CCSER1: variants seen among roughly 807,000 people sequenced by gnomAD.
CCSER1 encodes serine-rich coiled-coil domain-containing protein 1.
In CCSER1, 41 loss-of-function variants were observed where a neutral mutation model predicts 82.0. The ratio of observed to expected loss-of-function variants is 0.50; its 90% CI spans 0.39 to 0.65. The LOEUF (loss-of-function observed/expected upper bound fraction) is 0.65, where lower values mean the gene tolerates loss of function less well. CCSER1 is among the 30% of genes least tolerant of loss of function. The pLI is 0.00. For synonymous variants in CCSER1, 414 were observed against 383.9 expected (o/e 1.08, Z -0.92); for missense variants, 1,119 against 1,064.2 (o/e 1.05, Z -0.72).
chr4:90,283,328 TA>T (rs1281014831), intron 1 of CCSER1, among the ~76,000 whole-genome samples: 4 of 151,972 alleles, frequency 2.6e-5, no homozygotes, highest in Non-Finnish European at 2.9e-5. Flanking sequence ...TTTTATTTTT[TA>T]TTTGTATTTT....
chr4:90,916,483 C>A (rs1482131348), intron 8 of CCSER1, among the ~76,000 whole-genome samples: 2 of 152,006 alleles, frequency 1.3e-5, no homozygotes, highest in Admixed American at 6.6e-5. Flanking sequence ...GAAACTGGAT[C>A]CCTTCCTTAC....
chr4:90,354,663 A>C (rs1165791601), intron 3 of CCSER1, among the ~76,000 whole-genome samples: 2 of 152,168 alleles, frequency 1.3e-5, no homozygotes, highest in African/African-American at 2.4e-5. Flanking sequence ...AAATAACTAA[A>C]TAAAGGTATT....
chr4:90,548,626 G>A (rs1384005533), intron 5 of CCSER1, among the ~76,000 whole-genome samples: 1 of 151,752 alleles, frequency 6.6e-6, no homozygotes, highest in African/African-American at 2.4e-5. Flanking sequence ...GTGAGTGGTA[G>A]GACCTGGGAA....
chr4:90,911,765 C>T (rs111424114), intron 8 of CCSER1, among the ~76,000 whole-genome samples: 142 of 152,262 alleles, frequency 9.3e-4, no homozygotes, highest in Non-Finnish European at 1.4e-3. Flanking sequence ...CCTGGAAAAT[C>T]GGGTCACTCC....
intron 10 of CCSER1, among the ~76,000 whole-genome samples, chr4:91,534,845 TATGA>T (rs1301219197): frequency 6.6e-6 from 1 of 151,852 alleles, no homozygotes. Flanking sequence ...TAAGTGAAAT[TATGA>T]ATGAAAGACT....
At chr4:91,054,555 A>G (rs1743278364) in intron 9 of CCSER1, among the ~76,000 whole-genome samples, 1 of 152,006 alleles carries the variant, frequency 6.6e-6, no homozygotes, top group Non-Finnish European at 1.5e-5. Flanking sequence ...TACTATTTGC[A>G]TGGAATATCT....
chr4:90,243,291 C>G (rs1474137730), intron 1 of CCSER1, among the ~76,000 whole-genome samples: 1 of 151,960 alleles, frequency 6.6e-6, no homozygotes, highest in South Asian at 2.1e-4. Context: ...CTCTGTTGCC[C>G]AGGCTGGAAT....
At chr4:90,256,001 T>C (rs1723220080) in intron 1 of CCSER1, among the ~76,000 whole-genome samples, 2 of 152,154 alleles carry the variant, frequency 1.3e-5, no homozygotes, top group African/African-American at 4.8e-5. Flanking sequence ...CTGTGGCATT[T>C]ACCTTGCAGC....
At chr4:90,566,955 A>G (rs1779472024) in intron 5 of CCSER1, among the ~76,000 whole-genome samples, 2 of 150,762 alleles carry the variant, frequency 1.3e-5, no homozygotes, top group South Asian at 2.1e-4. Context: ...CCTTTCATTT[A>G]TTTGAGTCTT....
chr4:91,258,618 A>T (rs922263542), intron 10 of CCSER1, among the ~76,000 whole-genome samples: 1 of 152,130 alleles, frequency 6.6e-6, no homozygotes, highest in Non-Finnish European at 1.5e-5. Context: ...ATGAAGCTTA[A>T]AGATATTGTG....
chr4:91,383,017 T>C (rs1022081274), intron 10 of CCSER1, among the ~76,000 whole-genome samples: 4 of 151,750 alleles, frequency 2.6e-5, no homozygotes, highest in Non-Finnish European at 4.4e-5. Flanking sequence ...TTTTTAGCAA[T>C]AAAGGATTTT....
Position 90,412,152 on chromosome 4 carries a change from A to G in CCSER1, c.1603+12023A>G, listed in dbSNP as rs369199242. 1.3e-3 allele frequency among the ~76,000 whole-genome samples: 193 copies of G among 152,182 alleles called. 5 individuals carry two copies. The South Asian group carries it at 0.039, about 31-fold the overall frequency. ...TGCAGCCTTAAGAAAGGATGAGTTC[A>G]TATCCTTTGTAGGGACATGGATGAA... On this transcript the variant is annotated intron_variant, in intron 4 of 10. Coordinates refer to ENST00000509176, the MANE Select transcript of CCSER1 (RefSeq NM_001145065.2).
chr4:90,943,725 G>A (rs1320073615), intron 9 of CCSER1, among the ~76,000 whole-genome samples: 1 of 98,506 alleles, frequency 1.0e-5, no homozygotes, highest in African/African-American at 3.2e-5. Context: ...ACTGTGCCAG[G>A]CTAATTTTTT....
At chr4:91,463,611 G>T (rs1041249952) in intron 10 of CCSER1, among the ~76,000 whole-genome samples, 4 of 152,096 alleles carry the variant, frequency 2.6e-5, no homozygotes, top group Non-Finnish European at 4.4e-5. Flanking sequence ...CTTCAAAAAA[G>T]ATTAGACGAA....
intron 6 of CCSER1, among the ~76,000 whole-genome samples, chr4:90,641,543 G>A (rs1020570707): frequency 6.6e-6 from 1 of 151,940 alleles, no homozygotes; most frequent in Admixed American, 6.6e-5. Context: ...TATGTAATCC[G>A]AGTGGTTCCC....
At chr4:90,521,590 A>G (rs1773144695) in intron 5 of CCSER1, among the ~76,000 whole-genome samples, 1 of 152,176 alleles carries the variant, frequency 6.6e-6, no homozygotes, top group African/African-American at 2.4e-5. Context: ...TGGTAACTAT[A>G]AAATTAAATT....
chr4:91,213,102 G>A (rs1190361940), intron 10 of CCSER1, among the ~76,000 whole-genome samples: 3 of 148,736 alleles, frequency 2.0e-5, no homozygotes, highest in Non-Finnish European at 4.5e-5. Flanking sequence ...AGTATTACAT[G>A]GCATATACGC....
chr4:91,432,252 A>G (rs1329390688), intron 10 of CCSER1, among the ~76,000 whole-genome samples: 1 of 152,210 alleles, frequency 6.6e-6, no homozygotes, highest in East Asian at 1.9e-4. Flanking sequence ...TAGATTATCC[A>G]GTCTCAATTA....
At chr4:90,266,755 A>C (rs1421045431) in intron 1 of CCSER1, among the ~76,000 whole-genome samples, 2 of 151,906 alleles carry the variant, frequency 1.3e-5, no homozygotes, top group Non-Finnish European at 2.9e-5. Flanking sequence ...CCAGAGAGAA[A>C]TTGCCCATTC....
Sources: gnomAD v4.1 joint callset for allele counts (sites outside exome capture counted in the v4.1 genomes callset) on GRCh38, gnomAD v4.1.1 for gene constraint, MANE v1.5 for transcripts, NCBI Gene and HGNC (gene_info 2026-07-23, HGNC 2026-07-21) for gene names.